The following ZNF804B variants were observed in gnomAD, a reference collection of about 807,000 sequenced individuals.
ZNF804B encodes the protein zinc finger 804B.
In ZNF804B, 80 loss-of-function variants were observed where a neutral mutation model predicts 101.4. The ratio of observed to expected loss-of-function variants is 0.79; its 90% CI spans 0.66 to 0.95. The LOEUF (loss-of-function observed/expected upper bound fraction) is 0.95, where lower values mean the gene tolerates loss of function less well. Among genes scored for constraint, ZNF804B ranks in the 40% least tolerant of loss-of-function variants. The pLI is 0.00. For synonymous variants in ZNF804B, 622 were observed against 558.8 expected, an observed-to-expected ratio of 1.11 and a Z score of -1.59; for missense variants, 1,673 against 1,561.9, an observed-to-expected ratio of 1.07 and a Z score of -1.20.
intron 1 of ZNF804B, among the ~76,000 whole-genome samples, chr7:88,807,549 T>C (rs1790710229): frequency 6.6e-6 from 1 of 152,220 alleles, no homozygotes; most frequent in African/African-American, 2.4e-5. Context: ...AATCAGTGTG[T>C]CTGAAGCCAG....
intron 1 of ZNF804B, among the ~76,000 whole-genome samples, chr7:89,004,393 G>A (rs1044651489): frequency 1.3e-5 from 2 of 151,890 alleles, no homozygotes; most frequent in South Asian, 4.1e-4. Flanking sequence ...TTAAGAGGAT[G>A]CATATAGAAC....
At chr7:89,248,053 G>GA (rs954814026) in intron 2 of ZNF804B, among the ~76,000 whole-genome samples, 5 of 151,060 alleles carry the variant, frequency 3.3e-5, no homozygotes, top group African/African-American at 7.3e-5. Context: ...CCAAAATAAA[G>GA]AAAAAAAAAG....
intron 1 of ZNF804B, among the ~76,000 whole-genome samples, chr7:89,051,288 A>G (rs947623558): frequency 6.6e-6 from 1 of 152,168 alleles, no homozygotes; most frequent in African/African-American, 2.4e-5. Flanking sequence ...TTTTCAAATA[A>G]TTGTATCAGT....
intron 1 of ZNF804B, among the ~76,000 whole-genome samples, chr7:89,081,838 C>T (rs1208050876): frequency 4.6e-5 from 7 of 151,714 alleles, no homozygotes; most frequent in Non-Finnish European, 1.0e-4. Context: ...TTATTTTCAA[C>T]TTTCTATACT....
chr7:89,308,615 A>G (rs966002293), intron 2 of ZNF804B, among the ~76,000 whole-genome samples: 22 of 152,204 alleles, frequency 1.4e-4, no homozygotes, highest in African/African-American at 5.1e-4. Flanking sequence ...TCACATGGAT[A>G]TCACTCAGGG....
intron 1 of ZNF804B, among the ~76,000 whole-genome samples, chr7:88,859,416 A>G (rs1423703398): frequency 6.6e-6 from 1 of 152,062 alleles, no homozygotes; most frequent in African/African-American, 2.4e-5. Context: ...TGGTAATTTT[A>G]TAAGACATTT....
At chr7:88,965,014 A>G (rs1467215498) in intron 1 of ZNF804B, among the ~76,000 whole-genome samples, 1 of 151,518 alleles carries the variant, frequency 6.6e-6, no homozygotes, top group Non-Finnish European at 1.5e-5. Flanking sequence ...GGTTTATAAC[A>G]TATAAGGTGC....
In ZNF804B at chr7:89,338,362, T is replaced by C. The variant is rs1465549032; in HGVS notation, c.*1330T>C. Among the ~76,000 whole-genome samples the C allele has an allele frequency of 1.3e-5, 2 of 152,096 alleles. No individual in the cohort carries two copies. The highest frequency in any genetic ancestry group is 2.9e-5 in the Non-Finnish European group (2 of 67,950). ...ATTCAGGTACAGTTACCCTATCCAC[T>C]TGTTTGCATTATCTTCTTTAATTTT... On this transcript the variant is annotated 3_prime_UTR_variant, in exon 4 of 4. Coordinates refer to ENST00000333190, the MANE Select transcript of ZNF804B (RefSeq NM_181646.5).
chr7:89,091,307 A>G (rs1789882847), intron 1 of ZNF804B, among the ~76,000 whole-genome samples: 1 of 152,184 alleles, frequency 6.6e-6, no homozygotes, highest in African/African-American at 2.4e-5. Context: ...AGAGAGAAAA[A>G]CAATTTCCTT....
intron 1 of ZNF804B, among the ~76,000 whole-genome samples, chr7:88,895,524 G>C (rs1015706065): frequency 6.6e-6 from 1 of 152,170 alleles, no homozygotes; most frequent in Non-Finnish European, 1.5e-5. Flanking sequence ...GCCTAGAAGC[G>C]ATGATACCCC....
intron 1 of ZNF804B, among the ~76,000 whole-genome samples, chr7:88,805,726 T>C (rs1361527750): frequency 6.6e-6 from 1 of 152,112 alleles, no homozygotes; most frequent in Non-Finnish European, 1.5e-5. Flanking sequence ...AAGAATGCAG[T>C]GGTATGGGAA....
chr7:89,309,349 T>A (rs1227788622), intron 2 of ZNF804B, among the ~76,000 whole-genome samples: 1 of 152,160 alleles, frequency 6.6e-6, no homozygotes, highest in Admixed American at 6.6e-5. Context: ...GGCTGTGTAG[T>A]GAGAATTAGT....
intron 2 of ZNF804B, among the ~76,000 whole-genome samples, chr7:89,287,217 T>C (rs1001805470): frequency 4.6e-5 from 7 of 152,306 alleles, no homozygotes; most frequent in Middle Eastern, 3.4e-3. Context: ...AGGCTATTAG[T>C]AGTTATGTTT....
intron 2 of ZNF804B, among the ~76,000 whole-genome samples, chr7:89,228,739 T>G (rs553777839): frequency 2.7e-4 from 41 of 152,332 alleles, no homozygotes; most frequent in African/African-American, 9.9e-4. Flanking sequence ...CAGGTGGAGC[T>G]GCCTGCCAGT....
intron 1 of ZNF804B, among the ~76,000 whole-genome samples, chr7:88,993,882 A>T (rs1456176063): frequency 6.6e-6 from 1 of 151,974 alleles, no homozygotes; most frequent in Non-Finnish European, 1.5e-5. Context: ...GAAAGAAACA[A>T]GTGATTATAC....
intron 1 of ZNF804B, among the ~76,000 whole-genome samples, chr7:88,808,899 C>T (rs1790732171): frequency 6.6e-6 from 1 of 152,162 alleles, no homozygotes; most frequent in Non-Finnish European, 1.5e-5. Context: ...GACCCTTAGT[C>T]ACACTGACAA....
chr7:89,298,369 C>T (rs1790425181), intron 2 of ZNF804B, among the ~76,000 whole-genome samples: 1 of 148,752 alleles, frequency 6.7e-6, no homozygotes, highest in Non-Finnish European at 1.5e-5. Context: ...AGGTATTTCT[C>T]CTAATGCTCT....
intron 1 of ZNF804B, among the ~76,000 whole-genome samples, chr7:89,030,898 C>G (rs1053722574): frequency 2.6e-5 from 4 of 151,932 alleles, no homozygotes; most frequent in Admixed American, 2.6e-4. Flanking sequence ...TATTCAGTTT[C>G]TTGGTGATGT....
chr7:89,059,714 A>T (rs1308448672), intron 1 of ZNF804B, among the ~76,000 whole-genome samples: 1 of 152,172 alleles, frequency 6.6e-6, no homozygotes, highest in African/African-American at 2.4e-5. Flanking sequence ...TACCAAGTTG[A>T]CAAGGGCTAT....
Sources: allele counts gnomAD v4.1 joint callset (sites outside exome capture counted in the v4.1 genomes callset), GRCh38; gene constraint gnomAD v4.1.1; transcripts MANE v1.5; gene names NCBI Gene and HGNC (gene_info 2026-07-23, HGNC 2026-07-21).